NECTIN3: variants seen among roughly 807,000 people sequenced by gnomAD.
The protein encoded by NECTIN3 is nectin-3.
A neutral mutation model predicts 49.4 loss-of-function variants in NECTIN3; 8 were observed. That is an observed-to-expected ratio of 0.16 (90% CI 0.10 to 0.29). The LOEUF is 0.29. Among genes scored for constraint, NECTIN3 ranks in the 10% least tolerant of loss-of-function variants. The pLI, the probability that NECTIN3 is intolerant of heterozygous loss-of-function variation, is 1.00. For missense variants in NECTIN3, 581 were observed against 654.6 expected, an observed-to-expected ratio of 0.89 and a Z score of 1.23; for synonymous variants, 277 against 241.1, an observed-to-expected ratio of 1.15 and a Z score of -1.38.
chr3:111,088,364 A>G (rs1027596575), intron 1 of NECTIN3, among the ~76,000 whole-genome samples: 30 of 152,178 alleles, frequency 2.0e-4, no homozygotes, highest in African/African-American at 6.5e-4. Flanking sequence ...TTTTTCAGGT[A>G]TCAGAATTGT....
At chr3:111,172,806 T>C (rs1014510217) in intron 7 of NECTIN3, among the ~76,000 whole-genome samples, 1 of 152,190 alleles carries the variant, frequency 6.6e-6, no homozygotes, top group Non-Finnish European at 1.5e-5. Flanking sequence ...CCTAGACTTA[T>C]TTGTGAAATC....
At position 111,112,987 on chromosome 3, in the gene NECTIN3, G is replaced by A. The variant is rs139400106; in HGVS notation, c.502+616G>A. Among the ~76,000 whole-genome samples the A allele has an allele frequency of 3.9e-5, 6 of 152,290 alleles. No individual in the cohort carries two copies. In the East Asian group the frequency reaches 7.7e-4, roughly 20 times the overall value. The stretch of plus-strand genomic sequence containing the variant: ...AAATGCTGATAAGTACTTTTGAAAT[G>A]ATAGAAATGAAGATTGAGGAGCAAT... On this transcript the variant is annotated intron_variant, in intron 2 of 5. Transcript: ENST00000485303.
intron 1 of NECTIN3, among the ~76,000 whole-genome samples, chr3:111,108,740 G>A (rs185718670): frequency 1.1e-3 from 163 of 152,192 alleles, no homozygotes; most frequent in Non-Finnish European, 1.7e-3. Flanking sequence ...AAAAGAAAGC[G>A]GGGAAGTGCG....
intron 7 of NECTIN3, among the ~76,000 whole-genome samples, chr3:111,159,337 A>AT (rs1425230884): frequency 1.3e-5 from 2 of 152,106 alleles, no homozygotes; most frequent in African/African-American, 4.8e-5. Context: ...TTTATAATGA[A>AT]TATGGTTTTT....
downstream of NECTIN3, among the ~76,000 whole-genome samples, chr3:111,137,713 A>G (rs12108091): frequency 0.053 from 8,002 of 150,462 alleles, 776 homozygotes; most frequent in East Asian, 0.45. Context: ...TCCTAAAACA[A>G]GACTGTAATA....
chr3:111,119,783 A>G (rs1480048266), intron 3 of NECTIN3, among the ~76,000 whole-genome samples: 3 of 152,262 alleles, frequency 2.0e-5, no homozygotes, highest in Non-Finnish European at 4.4e-5. Flanking sequence ...AATGAAAATT[A>G]GGAACATTAG....
intron 1 of NECTIN3, among the ~76,000 whole-genome samples, chr3:111,108,642 A>G (rs1164958965): frequency 1.3e-5 from 2 of 152,170 alleles, no homozygotes; most frequent in Admixed American, 6.6e-5. Flanking sequence ...CACAGGAAAC[A>G]TGGTGCTGGC....
At chr3:111,165,036 T>C (rs1193663710) in intron 7 of NECTIN3, among the ~76,000 whole-genome samples, 1 of 151,988 alleles carries the variant, frequency 6.6e-6, no homozygotes, top group Non-Finnish European at 1.5e-5. Context: ...TTTTTATTTT[T>C]TTATTTTTTA....
At chr3:111,107,190 T>A (rs1276571291) in intron 1 of NECTIN3, among the ~76,000 whole-genome samples, 2 of 152,110 alleles carry the variant, frequency 1.3e-5, no homozygotes, top group Non-Finnish European at 2.9e-5. Context: ...AAGCATCTTC[T>A]TGAATGTGTG....
chr3:111,112,366 T>G lies in NECTIN3; in HGVS notation c.497T>G (p.Val166Gly). 6.4e-7 allele frequency: 1 copy of G among 1,564,114 alleles called. No homozygotes were observed. The highest frequency in any genetic ancestry group is 8.7e-7 in the Non-Finnish European group (1 of 1,147,060). Residue 166 changes from valine to glycine, a missense_variant, in exon 2 of 6, where the codon GTG (valine) becomes GGG (glycine). Physicochemically the swap from Val to Gly is moderately radical, Grantham distance 109. Transcript: ENST00000485303. The stretch of plus-strand genomic sequence containing the variant: ...GCCCAGTCCTCTACAACTGTAACTG[T>G]GTTAGGTAGGTATGCTTGAATTATG... ...GNAQSSTTVT[V>G]LVEPTVSLIK... is the part of the protein sequence containing the mutation.
intron 6 of NECTIN3, among the ~76,000 whole-genome samples, chr3:111,147,129 G>A (rs2034892277): frequency 6.6e-6 from 1 of 152,054 alleles, no homozygotes; most frequent in South Asian, 2.1e-4. Context: ...GTCATATACT[G>A]GATTACTTAA....
At chr3:111,183,560 C>T (rs377193704) in intron 7 of NECTIN3, among the ~76,000 whole-genome samples, 3 of 152,028 alleles carry the variant, frequency 2.0e-5, no homozygotes, top group East Asian at 1.9e-4. Context: ...GTGATCTGCC[C>T]GCCTCAGCCT....
At chr3:111,158,871 TGAA>T (rs1341140290) in intron 7 of NECTIN3, among the ~76,000 whole-genome samples, 1 of 152,182 alleles carries the variant, frequency 6.6e-6, no homozygotes, top group East Asian at 1.9e-4. Context: ...CCAGAATATA[TGAA>T]GAAGTCTTAC....
chr3:111,098,928 T>TAAAA (rs371816550), intron 1 of NECTIN3, among the ~76,000 whole-genome samples: 17 of 139,824 alleles, frequency 1.2e-4, no homozygotes, highest in African/African-American at 4.4e-4. Flanking sequence ...AACGTTAGTT[T>TAAAA]AAAAAAAAAA....
At position 111,112,330 on chromosome 3, in the gene NECTIN3, C is replaced by T. The variant is rs2033506166; in HGVS notation, c.461C>T (p.Pro154Leu). The T allele has an allele frequency of 3.7e-6, 6 of 1,612,366 alleles. No homozygotes were observed. The highest frequency in any genetic ancestry group is 1.7e-5 in the Admixed American group (1 of 59,900). The part of the protein sequence containing the change: ...GKYICKAVTF[P>L]LGNAQSSTTV... ...TACATCTGCAAAGCTGTTACATTCC[C>T]GCTTGGAAATGCCCAGTCCTCTACA... Residue 154 changes from proline (P) to leucine (L), a missense_variant, in exon 2 of 6, where the codon CCG (proline) becomes CTG (leucine). Physicochemically the swap from Pro to Leu is moderately conservative, Grantham distance 98. Coordinates refer to ENST00000485303, the MANE Select transcript of NECTIN3 (RefSeq NM_015480.3).
At chr3:111,126,033 G>GA (rs558631947) in intron 4 of NECTIN3, 151 bp from the exon 5 acceptor site, 215 of 535,100 alleles carry the variant, frequency 4.0e-4, no homozygotes, top group African/African-American at 3.9e-3. Context: ...ATGAAAATTT[G>GA]TTACTTTTTT....
chr3:111,084,885 A>G (rs1476617733), intron 1 of NECTIN3, among the ~76,000 whole-genome samples: 1 of 152,220 alleles, frequency 6.6e-6, no homozygotes, highest in Non-Finnish European at 1.5e-5. Context: ...CACAAACTGG[A>G]TGGCTTAAAA....
At chr3:111,181,592 G>C (rs994311771) in intron 7 of NECTIN3, among the ~76,000 whole-genome samples, 7 of 151,994 alleles carry the variant, frequency 4.6e-5, no homozygotes, top group African/African-American at 1.4e-4. Flanking sequence ...TCTGGGCCTG[G>C]AGTTTCTTTG....
intron 2 of NECTIN3, among the ~76,000 whole-genome samples, chr3:111,115,319 G>A (rs943201909): frequency 3.9e-5 from 6 of 152,164 alleles, no homozygotes; most frequent in African/African-American, 1.4e-4. Context: ...TTATAGAGTA[G>A]GACCACGTTA....
Sources: gnomAD v4.1 joint callset for allele counts (sites outside exome capture counted in the v4.1 genomes callset) on GRCh38, gnomAD v4.1.1 for gene constraint, MANE v1.5 for transcripts, NCBI Gene and HGNC (gene_info 2026-07-23, HGNC 2026-07-21) for gene names.